SPTB: variants seen among roughly 807,000 people sequenced by gnomAD.
SPTB encodes the protein spectrin beta chain, erythrocytic.
A neutral mutation model predicts 256.2 loss-of-function variants in SPTB; 45 were observed. That is an observed-to-expected ratio of 0.18 (90% confidence interval 0.14 to 0.23). SPTB has a LOEUF of 0.23. SPTB is among the 10% of genes least tolerant of loss of function. SPTB has a pLI of 1.00. For missense variants in SPTB, 2,715 were observed against 3,040.4 expected, an observed-to-expected ratio of 0.89 and a Z score of 2.52; for synonymous variants, 1,231 against 1,243.1, an observed-to-expected ratio of 0.99 and a Z score of 0.21.
Position 64,841,833 on chromosome 14 carries a change from G to C in SPTB, c.-51-18688C>G, listed in dbSNP as rs2083612552. On this transcript the variant is annotated intron_variant, in intron 1 of 35. Coordinates refer to ENST00000644917, the MANE Select transcript of SPTB (RefSeq NM_001355436.2). The surrounding 1 kb of genome is among the most constrained non-coding windows in gnomAD (Gnocchi z 4.6). Reference sequence around the variant, plus strand: ...AGGGAAACCCCCGCGTATGGAACCAGAAGAGGGTTTCTTGCAGAAGGTGCC... The same window carrying C: ...AGGGAAACCCCCGCGTATGGAACCACAAGAGGGTTTCTTGCAGAAGGTGCC... Among the ~76,000 whole-genome samples, 2 of 152,192 alleles carry C rather than the reference G, an allele frequency of 1.3e-5. No individual in the cohort carries two copies. Among genetic ancestry groups the C allele is most frequent in the African/African-American group, 4.8e-5 (2 of 41,430 alleles).
At chr14:64,766,471 A>C (rs1219772114) in intron 32 of SPTB, 5 of 1,428,798 alleles carry the variant, frequency 3.5e-6, no homozygotes, top group African/African-American at 1.4e-5. Context: ...AACAAAACTA[A>C]TAACGTCATG....
intron 1 of SPTB, among the ~76,000 whole-genome samples, chr14:64,854,975 G>C (rs900001417): frequency 6.6e-6 from 1 of 152,200 alleles, no homozygotes; most frequent in Non-Finnish European, 1.5e-5. Context: ...TCAGGAAGTG[G>C]CGCCTGAATG....
chr14:64,803,059 C>G (rs1035562758), intron 4 of SPTB, among the ~76,000 whole-genome samples: 1 of 152,128 alleles, frequency 6.6e-6, no homozygotes, highest in African/African-American at 2.4e-5. Flanking sequence ...CTTTAGTCCG[C>G]GAGTTGTATG....
intron 1 of SPTB, among the ~76,000 whole-genome samples, chr14:64,850,769 T>C (rs1382512789): frequency 6.6e-6 from 1 of 152,238 alleles, no homozygotes; most frequent in East Asian, 1.9e-4. Flanking sequence ...CCATTCCCAA[T>C]GATTCCACAA....
chr14:64,815,526 G>T (rs2083174737), intron 2 of SPTB, among the ~76,000 whole-genome samples: 1 of 152,190 alleles, frequency 6.6e-6, no homozygotes, highest in African/African-American at 2.4e-5. Flanking sequence ...AAAGCACCTA[G>T]AACACGAAGC....
chr14:64,788,161 G>A (rs541539109), intron 15 of SPTB, among the ~76,000 whole-genome samples: 2 of 152,238 alleles, frequency 1.3e-5, no homozygotes, highest in East Asian at 3.9e-4. Context: ...GGAGCAATGG[G>A]GTGACAGTTG....
Position 64,767,819 on chromosome 14 carries a change from A to T in SPTB, c.6063T>A (p.Ala2021=). The stretch of plus-strand genomic sequence containing the variant: ...GCTCCTGGGCAATCAGCCACGCCTC[A>T]GCCACAGAGGCATCCCTCGAGAACT... ...VCQFSRDASV[A]EAWLIAQEPY... is the part of the protein sequence containing the mutation. The change falls in exon 30 of 36, where the codon GCT becomes GCA. Residue 2021 remains alanine (A), a synonymous_variant. Transcript: ENST00000644917. 6.2e-7 allele frequency: 1 copy of T among 1,614,138 alleles called. No homozygotes were observed. The highest frequency in any genetic ancestry group is 1.3e-5 in the African/African-American group (1 of 75,032).
intron 3 of SPTB, among the ~76,000 whole-genome samples, chr14:64,804,732 G>A (rs1226570564): frequency 6.6e-6 from 1 of 152,190 alleles, no homozygotes; most frequent in African/African-American, 2.4e-5. Context: ...GAAGGGGTGG[G>A]AGTGGTCAGA....
rs1320094219 is a variant in SPTB, at chr14:64,747,745, T to C, written c.*1561A>G. 1.3e-5 allele frequency: 2 copies of C among 152,370 alleles called. No individual in the cohort carries two copies. Among genetic ancestry groups the C allele is most frequent in the Non-Finnish European group, 2.9e-5 (2 of 68,180 alleles). 9.4% of individuals were successfully genotyped at this position (152,370 alleles called of 1,614,324 possible). On this transcript the variant is annotated 3_prime_UTR_variant, in exon 36 of 36. Coordinates refer to ENST00000644917, the MANE Select transcript of SPTB (RefSeq NM_001355436.2). Reference sequence around the variant, plus strand: ...ACGGGGAAGGTGATAGAAACTTGACTGCAGGCCCTGGGGACTTTCATGGTT... The same window carrying C: ...ACGGGGAAGGTGATAGAAACTTGACCGCAGGCCCTGGGGACTTTCATGGTT...
intron 2 of SPTB, among the ~76,000 whole-genome samples, chr14:64,822,355 C>CTCTG (rs1318326643): frequency 1.7e-4 from 2 of 11,936 alleles, no homozygotes; most frequent in Non-Finnish European, 2.8e-4. Flanking sequence ...CCCACCTTCT[C>CTCTG]TCTCTCTCTC....
chr14:64,823,179 C>A lies in SPTB; in HGVS notation c.-51-34G>T, dbSNP rs1466588327. 1 of 1,539,112 alleles carries A rather than the reference C, an allele frequency of 6.5e-7. No homozygotes were observed. On this transcript the variant is annotated intron_variant, in intron 1 of 35. Coordinates refer to ENST00000644917, the MANE Select transcript of SPTB (RefSeq NM_001355436.2). This position sits in a 1 kb window ranked among gnomAD's most constrained non-coding sequence, Gnocchi z 6.5. The stretch of plus-strand genomic sequence containing the variant: ...CAGCAACACAGTCAGAGGGTTATCT[C>A]TCTACCCCCTCGGACTTTTTCTCCG...
intron 15 of SPTB, among the ~76,000 whole-genome samples, chr14:64,791,435 G>C (rs536112676): frequency 6.6e-6 from 1 of 151,872 alleles, no homozygotes; most frequent in Non-Finnish European, 1.5e-5. Flanking sequence ...GCATTGTATC[G>C]CACGCCTGTA....
At chr14:64,842,133 C>G (rs1389016694) in intron 1 of SPTB, among the ~76,000 whole-genome samples, 1 of 152,254 alleles carries the variant, frequency 6.6e-6, no homozygotes, top group Non-Finnish European at 1.5e-5. Flanking sequence ...CTGCCATTTC[C>G]AGGAAGGCGC....
intron 24 of SPTB, among the ~76,000 whole-genome samples, chr14:64,774,028 C>G (rs1404517662): frequency 6.6e-6 from 1 of 152,176 alleles, no homozygotes; most frequent in East Asian, 1.9e-4. Context: ...ATGGTTCTGT[C>G]TGGACTGTGA....
intron 1 of SPTB, among the ~76,000 whole-genome samples, chr14:64,839,000 G>A (rs1188039128): frequency 3.3e-5 from 5 of 152,078 alleles, no homozygotes; most frequent in African/African-American, 7.2e-5. Context: ...TGGGGTAGTG[G>A]CGGGTGCCTG....
In SPTB at chr14:64,791,715, C is replaced by T. The variant is rs2082677072; in HGVS notation, c.2804+4G>A. ...CCCCGCCCCATGCCCTACCCACACC[C>T]CACCTGGTGTTCAGATGGTCCTGGT... On this transcript the variant is annotated splice_donor_region_variant and intron_variant, in intron 15 of 35. Transcript: ENST00000644917. The T allele has an allele frequency of 6.2e-7, 1 of 1,614,056 alleles. No individual in the cohort carries two copies. The highest frequency in any genetic ancestry group is 8.5e-7 in the Non-Finnish European group (1 of 1,180,040).
At position 64,785,668 on chromosome 14, in the gene SPTB, C is replaced by A; in HGVS notation, c.3765-41G>T. Reference sequence around the variant, plus strand: ...AAAGCACAGTCACAATAGTGCCGAGCTTGGGGTCCTCACCAAGCTTGGGGT... The same window carrying A: ...AAAGCACAGTCACAATAGTGCCGAGATTGGGGTCCTCACCAAGCTTGGGGT... On this transcript the variant is annotated intron_variant, in intron 17 of 35. Transcript: ENST00000644917. The surrounding 1 kb of genome is among the most constrained non-coding windows in gnomAD (Gnocchi z 4.4). 1 of 1,613,518 alleles carries A rather than the reference C, an allele frequency of 6.2e-7. No individual in the cohort carries two copies.
intron 33 of SPTB, 70 bp from the exon 34 acceptor site, chr14:64,750,224 TCACCATTAAAAAAAATTA>T: frequency 6.7e-7 from 1 of 1,498,128 alleles, no homozygotes; most frequent in Non-Finnish European, 9.0e-7. Flanking sequence ...TCCTATAGCT[TCACCATTAAAAAAAATTA>T]CACCATGTTT....
intron 1 of SPTB, among the ~76,000 whole-genome samples, chr14:64,876,785 A>G (rs967077070): frequency 1.3e-5 from 2 of 152,190 alleles, no homozygotes; most frequent in African/African-American, 4.8e-5. Context: ...ACTAGATATT[A>G]AAAACACATC....
Sources: gnomAD v4.1 joint callset for allele counts (sites outside exome capture counted in the v4.1 genomes callset) on GRCh38, gnomAD v4.1.1 for gene constraint, Gnocchi (gnomAD v3.1) non-coding constraint, MANE v1.5 for transcripts, NCBI Gene and HGNC (gene_info 2026-07-23, HGNC 2026-07-21) for gene names.